The following ERCC2 variants were observed in gnomAD, a reference collection of about 807,000 sequenced individuals.
The protein encoded by ERCC2 is ERCC excision repair 2, TFIIH core complex helicase subunit.
A neutral mutation model predicts 99.4 loss-of-function variants in ERCC2; 90 were observed. The ratio of observed to expected loss-of-function variants is 0.91; its 90% CI spans 0.76 to 1.08. The LOEUF (loss-of-function observed/expected upper bound fraction) is 1.08. ERCC2 is among the 50% of genes least tolerant of loss of function. The pLI is 0.00. For missense variants in ERCC2, 993 were observed against 1,038.1 expected, an observed-to-expected ratio of 0.96 and a Z score of 0.60; for synonymous variants, 497 against 432.4, an observed-to-expected ratio of 1.15 and a Z score of -1.85.
Position 45,351,034 on chromosome 19 carries a change from G to C in ERCC2, c.*595C>G. On this transcript the variant is annotated 3_prime_UTR_variant, in exon 23 of 23. Transcript: ENST00000391945. The stretch of plus-strand genomic sequence containing the variant: ...GGGACTCAGGTGAGGGGGACATCTG[G>C]GTCAAAAATAGAGGAGGCCATGTGG... The C allele has an allele frequency of 6.2e-7, 1 of 1,613,998 alleles. No homozygotes were observed. Among genetic ancestry groups the C allele is most frequent in the Non-Finnish European group, 8.5e-7 (1 of 1,179,924 alleles).
chr19:45,357,226 C>A (rs762296886), intron 15 of ERCC2, 44 bp downstream of exon 15: 19 of 1,450,278 alleles, frequency 1.3e-5, no homozygotes, highest in Non-Finnish European at 1.8e-5. Context: ...GGCCCCTTGC[C>A]CCCATCTCCC....
chr19:45,353,283 C>T lies in ERCC2; in HGVS notation c.1717G>A (p.Asp573Asn). Residue 573 changes from aspartate to asparagine, a missense_variant, in exon 18 of 23, where the codon GAT becomes AAT. Around this residue, in one of 3 missense-constraint regions of ERCC2, gnomAD observed 909 missense variants for 930.8 expected, o/e 0.98. Coordinates refer to ENST00000391945, the MANE Select transcript of ERCC2 (RefSeq NM_000400.4). ...AGGGCGACACTGGTTTCGGCACCAT[C>T]CTGGGTCTCAATAAAGAGCAGCTTG... Reference protein sequence around the residue: ...RNKLLFIETQDGAETSVALEK... With the variant: ...RNKLLFIETQNGAETSVALEK... 6.2e-7 allele frequency: 1 copy of T among 1,614,114 alleles called. No homozygotes were observed. Among genetic ancestry groups the T allele is most frequent in the Non-Finnish European group, 8.5e-7 (1 of 1,180,006 alleles).
In ERCC2 at chr19:45,364,503, C is replaced by T. The variant is rs747480890; in HGVS notation, c.639G>A (p.Leu213=). The change falls in exon 8 of 23, where the codon CTG becomes CTA. Residue 213 remains leucine, a synonymous_variant. Coordinates refer to ENST00000391945, the MANE Select transcript of ERCC2 (RefSeq NM_000400.4). The stretch of plus-strand genomic sequence containing the variant: ...ACACCAGGTCTGCAATCTTGGGGTC[C>T]AGGAGGTAGTGGTAGCTATAAACCA... ...NVVVYSYHYL[L]DPKIADLVSK... 2 of 1,613,920 alleles carry T rather than the reference C, an allele frequency of 1.2e-6. No individual in the cohort carries two copies. The highest frequency in any genetic ancestry group is 8.5e-7 in the Non-Finnish European group (1 of 1,179,994).
chr19:45,370,232 C>G lies in ERCC2; in HGVS notation c.6G>C (p.Lys2Asn), dbSNP rs200443634. 63 of 1,613,192 alleles carry G rather than the reference C, an allele frequency of 3.9e-5. No homozygotes were observed. Among genetic ancestry groups the G allele is most frequent in the Non-Finnish European group, 5.3e-5 (63 of 1,179,438 alleles). Reference protein sequence around the residue: MKLNVDGLLVYF... With the variant: MNLNVDGLLVYF... ...AGACCAGGAGCCCGTCCACGTTGAGCCTGGCGGCAGGGGCTGCTGGGTCAG... is the reference window on the plus strand; with the variant it reads ...AGACCAGGAGCCCGTCCACGTTGAGGCTGGCGGCAGGGGCTGCTGGGTCAG... The change falls in exon 2 of 23, where the codon AAG (lysine) becomes AAC (asparagine). Residue 2 changes from lysine to asparagine, a missense_variant and splice_region_variant. Around this residue, in one of 3 missense-constraint regions of ERCC2, gnomAD observed 55 missense variants for 45.1 expected, o/e 1.22. Coordinates refer to ENST00000391945, the MANE Select transcript of ERCC2 (RefSeq NM_000400.4).
intron 12 of ERCC2, chr19:45,358,194 G>A (rs238410): frequency 0.017 from 3,792 of 224,058 alleles, 147 homozygotes; most frequent in African/African-American, 0.081. Context: ...GGATTATAGG[G>A]ACACCCCCCT....
Position 45,352,542 on chromosome 19 carries a change from GC to G in ERCC2, c.2009del (p.Gly670AlafsTer39), listed in dbSNP as rs1971844830. 3 of 1,614,184 alleles carry G rather than the reference GC, an allele frequency of 1.9e-6. No individual in the cohort carries two copies. Among genetic ancestry groups the G allele is most frequent in the Non-Finnish European group, 2.5e-6 (3 of 1,180,050 alleles). ...AAQCVGRAIR[G>X]KTDYGLMVFA... ...AGACCATGAGGCCGTAGTCCGTCTTGCCCCTGATGGCCCGACCCACACACTG... is the reference window on the plus strand; with the variant it reads ...AGACCATGAGGCCGTAGTCCGTCTTGCCCTGATGGCCCGACCCACACACTG... On this transcript the variant is annotated frameshift_variant, in exon 21 of 23. Transcript: ENST00000391945. LOFTEE classifies it high-confidence loss of function.
At chr19:45,355,486 G>A (rs536220657) in intron 16 of ERCC2, among the ~76,000 whole-genome samples, 179 bp downstream of exon 16, 11 of 152,352 alleles carry the variant, frequency 7.2e-5, no homozygotes, top group African/African-American at 2.6e-4. Context: ...GTTCCCAGGT[G>A]AGGAGACACA....
chr19:45,367,107 G>A (rs1360742790), intron 5 of ERCC2, among the ~76,000 whole-genome samples: 3 of 152,256 alleles, frequency 2.0e-5, no homozygotes, highest in South Asian at 4.1e-4. Flanking sequence ...GGGAGGCTGA[G>A]GCGGGAGGAT....
rs755845095 is a variant in ERCC2 at position 45,350,768 on chromosome 19, C to T, written c.*861G>A. ...GCCGGGTGAGTGTTGATCAGGTCGG[C>T]AAAGAGCCCTGACATCAGCAGAATC... On this transcript the variant is annotated 3_prime_UTR_variant, in exon 23 of 23. Coordinates refer to ENST00000391945, the MANE Select transcript of ERCC2 (RefSeq NM_000400.4). 1.9e-6 allele frequency: 3 copies of T among 1,594,170 alleles called. No homozygotes were observed. Among genetic ancestry groups the T allele is most frequent in the East Asian group, 4.5e-5 (2 of 44,334 alleles).
At chr19:45,352,974 C>T (rs1971870730) in intron 19 of ERCC2, 109 bp downstream of exon 19, 1 of 1,299,952 alleles carries the variant, frequency 7.7e-7, no homozygotes, top group African/African-American at 1.5e-5. Flanking sequence ...CCCCTCTGTG[C>T]ACCTAGGCTG....
Position 45,357,910 on chromosome 19 carries a change from G to T in ERCC2, c.1238-211C>A. ...ACCTGTCCGCTTCGGGCCCACACCT[G>T]TGCAAACTTTCACGAAGGATCCCAA... On this transcript the variant is annotated intron_variant, in intron 12 of 22. Coordinates refer to ENST00000391945, the MANE Select transcript of ERCC2 (RefSeq NM_000400.4). 3 of 611,888 alleles carry T rather than the reference G, an allele frequency of 4.9e-6. No individual in the cohort carries two copies. The South Asian group carries it at 5.5e-5, about 11-fold the overall frequency. The allele number at this position is 611,888 out of a possible 1,614,324, so 37.9% of individuals were successfully genotyped here.
intron 12 of ERCC2, among the ~76,000 whole-genome samples, chr19:45,359,219 G>GGATGAGGAA (rs1972123617): frequency 6.6e-6 from 1 of 152,136 alleles, no homozygotes; most frequent in Non-Finnish European, 1.5e-5. Flanking sequence ...GGTGGTTGGG[G>GGATGAGGAA]GATGAGGAAG....
In ERCC2 at chr19:45,350,780, A is replaced by C; in HGVS notation, c.*849T>G. 6.4e-7 allele frequency: 1 copy of C among 1,574,750 alleles called. No individual in the cohort carries two copies. The highest frequency in any genetic ancestry group is 8.7e-7 in the Non-Finnish European group (1 of 1,155,354). The stretch of plus-strand genomic sequence containing the variant: ...TTGATCAGGTCGGCAAAGAGCCCTG[A>C]CATCAGCAGAATCCACAGCCCACCC... On this transcript the variant is annotated 3_prime_UTR_variant, in exon 23 of 23. Coordinates refer to ENST00000391945, the MANE Select transcript of ERCC2 (RefSeq NM_000400.4).
rs368601661 is a variant in ERCC2, at chr19:45,351,399, G to A, written c.*230C>T. ...CTGGCCGCAGCTTCTTGGGAACAGTGCAGGAGGGATGGGCTGGTGGGGTGA... is the reference window on the plus strand; with the variant it reads ...CTGGCCGCAGCTTCTTGGGAACAGTACAGGAGGGATGGGCTGGTGGGGTGA... On this transcript the variant is annotated 3_prime_UTR_variant, in exon 23 of 23. Transcript: ENST00000391945. 2.7e-5 allele frequency: 43 copies of A among 1,602,960 alleles called. No individual in the cohort carries two copies. The African/African-American group carries it at 4.0e-4, about 15-fold the overall frequency.
chr19:45,358,578 A>C (rs1972095937), intron 12 of ERCC2: 1 of 464,288 alleles, frequency 2.2e-6, no homozygotes, highest in Non-Finnish European at 3.9e-6. Flanking sequence ...CTGGTGCCTG[A>C]CCTTCAAAAA....
At chr19:45,357,587 C>T in intron 13 of ERCC2, 43 bp downstream of exon 13, 1 of 1,613,612 alleles carries the variant, frequency 6.2e-7, no homozygotes, top group Non-Finnish European at 8.5e-7. Flanking sequence ...GGCTGGGCCC[C>T]CGACCCACAG....
At chr19:45,355,003 C>A (rs1209825371) in intron 16 of ERCC2, 152 bp from the exon 17 acceptor site, 1 of 945,452 alleles carries the variant, frequency 1.1e-6, no homozygotes, top group African/African-American at 1.6e-5. Context: ...TGTCTGAGGA[C>A]CCGCCTTGCC....
chr19:45,363,594 G>A (rs1382920336), intron 11 of ERCC2, 149 bp downstream of exon 11: 3 of 941,738 alleles, frequency 3.2e-6, no homozygotes. Flanking sequence ...GGACCTCCCA[G>A]GTCAGACCAG....
intron 5 of ERCC2, among the ~76,000 whole-genome samples, chr19:45,367,673 CT>C (rs1402122814): frequency 1.3e-5 from 2 of 151,690 alleles, no homozygotes; most frequent in Non-Finnish European, 2.9e-5. Flanking sequence ...ATGTGCCCAG[CT>C]AATTTTTCAA....
Sources: gnomAD v4.1 joint callset for allele counts (sites outside exome capture counted in the v4.1 genomes callset) on GRCh38, gnomAD v4.1.1 for gene constraint, gnomAD v4.1.1 regional missense constraint, MANE v1.5 for transcripts, NCBI Gene and HGNC (gene_info 2026-07-23, HGNC 2026-07-21) for gene names.